The following LMBR1 variants were observed in gnomAD, a reference collection of about 807,000 sequenced individuals.
The protein encoded by LMBR1 is limb region 1 protein homolog.
In LMBR1, 52 loss-of-function variants were observed where a neutral mutation model predicts 73.9. The observed-to-expected ratio is 0.70, with a 90% CI of 0.56 to 0.89. The LOEUF is 0.89. LMBR1 is among the 40% of genes least tolerant of loss of function. The pLI, the probability that LMBR1 is intolerant of heterozygous loss-of-function variation, is 0.00. For synonymous variants in LMBR1, 215 were observed against 209.4 expected (o/e 1.03, Z -0.23); for missense variants, 539 against 579.8 (o/e 0.93, Z 0.72).
At chr7:156,700,903 T>A (rs1050424091) in intron 15 of LMBR1, among the ~76,000 whole-genome samples, 1 of 152,280 alleles carries the variant, frequency 6.6e-6, no homozygotes, top group South Asian at 2.1e-4. Context: ...AATGGACTCA[T>A]GGTTGCATGT....
At chr7:156,784,469 C>T (rs1479508535) in intron 5 of LMBR1, among the ~76,000 whole-genome samples, 1 of 152,154 alleles carries the variant, frequency 6.6e-6, no homozygotes, top group Non-Finnish European at 1.5e-5. Context: ...TACCCACGTT[C>T]ACTACTTCAG....
intron 9 of LMBR1, among the ~76,000 whole-genome samples, chr7:156,745,151 C>T (rs762526904): frequency 1.8e-4 from 27 of 152,178 alleles, no homozygotes; most frequent in Non-Finnish European, 2.1e-4. Flanking sequence ...ACCACAAAGA[C>T]TATTTCTTTT....
chr7:156,808,663 C>T (rs1832574202), intron 4 of LMBR1, among the ~76,000 whole-genome samples: 1 of 152,028 alleles, frequency 6.6e-6, no homozygotes, highest in South Asian at 2.1e-4. Context: ...CTTCTATGTT[C>T]CCACAGATTA....
rs1363362363 is a variant in LMBR1, at chr7:156,744,741, T to C, written c.758-10484A>G. 3.9e-5 allele frequency among the ~76,000 whole-genome samples: 6 copies of C among 152,226 alleles called. No homozygotes were observed. The East Asian group carries it at 1.2e-3, about 29-fold the overall frequency. ...CTGCTACAAATTATCATAAAGTTTCTGGCTTAAAACAACATAAATTTATTG... is the reference window on the plus strand; with the variant it reads ...CTGCTACAAATTATCATAAAGTTTCCGGCTTAAAACAACATAAATTTATTG... On this transcript the variant is annotated intron_variant, in intron 9 of 16. Transcript: ENST00000353442.
intron 10 of LMBR1, among the ~76,000 whole-genome samples, chr7:156,729,803 T>C (rs1816503608): frequency 6.6e-6 from 1 of 152,234 alleles, no homozygotes; most frequent in Non-Finnish European, 1.5e-5. Context: ...TAAGCACTTC[T>C]AGTTTTCTAA....
chr7:156,675,250 AG>A (rs548318915), downstream of LMBR1, among the ~76,000 whole-genome samples: 375 of 152,332 alleles, frequency 2.5e-3, no homozygotes, highest in Middle Eastern at 0.014. Context: ...GGGTGAGCTG[AG>A]GGTGGTCGGT....
rs545278881 is a variant in LMBR1, at chr7:156,669,666, G to A, written n.867-379C>T. Among the ~76,000 whole-genome samples the A allele has an allele frequency of 8.5e-5, 13 of 152,320 alleles. No homozygotes were observed. Among genetic ancestry groups the A allele is most frequent in the East Asian group, 3.9e-4 (2 of 5,176 alleles). ...CACTGGAAACTGCCCTCAGAGCCCC[G>A]GGGATGCGAGGTCAGCAGCTGGGAC... On this transcript the variant is annotated intron_variant and non_coding_transcript_variant, in intron 4 of 4. Coordinates refer to the LMBR1 transcript ENST00000430825. The surrounding 1 kb of genome is among the most constrained non-coding windows in gnomAD (Gnocchi z 4.2).
chr7:156,696,568 C>T (rs1486593377), intron 15 of LMBR1, among the ~76,000 whole-genome samples: 1 of 152,168 alleles, frequency 6.6e-6, no homozygotes, highest in Admixed American at 6.5e-5. Context: ...AAAGGCACTT[C>T]TCACATAGCG....
At chr7:156,713,780 A>T (rs1812609852) in intron 15 of LMBR1, among the ~76,000 whole-genome samples, 1 of 152,252 alleles carries the variant, frequency 6.6e-6, no homozygotes, top group Non-Finnish European at 1.5e-5. Context: ...TTATACCTCA[A>T]TAAAGCTGTT....
At chr7:156,710,702 A>G (rs555271252) in intron 15 of LMBR1, among the ~76,000 whole-genome samples, 1 of 152,362 alleles carries the variant, frequency 6.6e-6, no homozygotes, top group South Asian at 2.1e-4. Flanking sequence ...AATGATCATC[A>G]CACAAACACG....
intron 5 of LMBR1, among the ~76,000 whole-genome samples, chr7:156,772,067 G>T (rs1400378919): frequency 6.6e-6 from 1 of 151,902 alleles, no homozygotes; most frequent in African/African-American, 2.4e-5. Context: ...TGAGGTCAGG[G>T]GTTCAAGACC....
intron 4 of LMBR1, among the ~76,000 whole-genome samples, chr7:156,804,387 C>T (rs1831621093): frequency 6.6e-6 from 1 of 152,156 alleles, no homozygotes; most frequent in Admixed American, 6.5e-5. Context: ...CCTATGCGAT[C>T]ATTTCTTTTG....
At chr7:156,840,913 C>T (rs1177568821) in intron 1 of LMBR1, among the ~76,000 whole-genome samples, 6 of 142,888 alleles carry the variant, frequency 4.2e-5, no homozygotes, top group African/African-American at 1.3e-4. Flanking sequence ...TGCAATGAGC[C>T]GAGATCGTGC....
downstream of LMBR1, chr7:156,675,929 G>A (rs1803850049): frequency 2.0e-6 from 3 of 1,514,702 alleles, no homozygotes. Context: ...GTGGGGAGTG[G>A]CATGTGGGGG....
At chr7:156,729,431 A>G (rs554486808) in intron 10 of LMBR1, among the ~76,000 whole-genome samples, 1 of 151,232 alleles carries the variant, frequency 6.6e-6, no homozygotes, top group East Asian at 1.9e-4. Flanking sequence ...ATATATATAT[A>G]TATCTGAATG....
chr7:156,716,331 C>T (rs1813203821), intron 15 of LMBR1, among the ~76,000 whole-genome samples: 1 of 152,122 alleles, frequency 6.6e-6, no homozygotes, highest in South Asian at 2.1e-4. Flanking sequence ...TTGCAAATAT[C>T]GAATCAATTT....
In LMBR1 at chr7:156,685,599, T is replaced by C. The variant is rs1269748609; in HGVS notation, c.1388-1436A>G. Among the ~76,000 whole-genome samples the C allele has an allele frequency of 6.6e-6, 1 of 152,226 alleles. No individual in the cohort carries two copies. The highest frequency in any genetic ancestry group is 1.5e-5 in the Non-Finnish European group (1 of 68,034). The stretch of plus-strand genomic sequence containing the variant: ...AAACATATGAACCTAGAAAAGCTGA[T>C]GCGTGGCGCCAGGACATTACAACAG... On this transcript the variant is annotated intron_variant, in intron 16 of 16. Transcript: ENST00000353442. The surrounding 1 kb of genome is among the most constrained non-coding windows in gnomAD (Gnocchi z 4.1).
At chr7:156,730,217 G>A (rs948126325) in intron 10 of LMBR1, among the ~76,000 whole-genome samples, 1 of 152,196 alleles carries the variant, frequency 6.6e-6, no homozygotes, top group Non-Finnish European at 1.5e-5. Context: ...GAACCTGGCA[G>A]ACAGTGCCAC....
At chr7:156,765,232 T>C (rs1308773069) in intron 5 of LMBR1, among the ~76,000 whole-genome samples, 1 of 152,168 alleles carries the variant, frequency 6.6e-6, no homozygotes, top group Non-Finnish European at 1.5e-5. Flanking sequence ...ATTCCCATAA[T>C]CCCCATGTGT....
Sources: allele counts gnomAD v4.1 joint callset (sites outside exome capture counted in the v4.1 genomes callset), GRCh38; gene constraint gnomAD v4.1.1; non-coding constraint Gnocchi (gnomAD v3.1); transcripts MANE v1.5; gene names NCBI Gene and HGNC (gene_info 2026-07-23, HGNC 2026-07-21).